The following LAMC2 variants were observed in gnomAD, a reference collection of about 807,000 sequenced individuals.
LAMC2 encodes laminin subunit gamma 2, also known as laminin subunit gamma-2.
Under a neutral mutation model 140.2 loss-of-function variants are expected in LAMC2, and 97 were observed. That is an observed-to-expected ratio of 0.69 (90% CI 0.59 to 0.82). The LOEUF is 0.82. Among genes scored for constraint, LAMC2 ranks in the 40% least tolerant of loss-of-function variants. The pLI, the probability that LAMC2 is intolerant of heterozygous loss-of-function variation, is 0.00. For synonymous variants in LAMC2, 513 were observed against 540.2 expected (o/e 0.95, Z 0.70); for missense variants, 1,402 against 1,476.1 (o/e 0.95, Z 0.82).
rs1659576889 is a variant in LAMC2 at position 183,224,708 on chromosome 1, AG to A, written c.954-899del. On this transcript the variant is annotated intron_variant, in intron 7 of 22. Coordinates refer to ENST00000264144, the MANE Select transcript of LAMC2 (RefSeq NM_005562.3). ...CACACACACACACACACACACACAC[AG>A]CTCTCCTGCCTGGAATACTCGTTCC... is the stretch of plus-strand genomic sequence containing the variant. Among the ~76,000 whole-genome samples the A allele has an allele frequency of 2.0e-5, 3 of 146,572 alleles. No individual in the cohort carries two copies. In the South Asian group the frequency reaches 6.5e-4, roughly 32 times the overall value.
At chr1:183,225,014 A>G (rs1486089073) in intron 7 of LAMC2, among the ~76,000 whole-genome samples, 1 of 151,886 alleles carries the variant, frequency 6.6e-6, no homozygotes, top group East Asian at 1.9e-4. Flanking sequence ...TTTATTTAAC[A>G]AATCAGTGAA....
intron 1 of LAMC2, among the ~76,000 whole-genome samples, chr1:183,200,559 G>A (rs114379406): frequency 0.016 from 2,460 of 152,258 alleles, 64 homozygotes; most frequent in African/African-American, 0.055. Context: ...ATTATTTCAA[G>A]GCCTTGTCCT....
At chr1:183,219,621 A>C (rs1659404394) in intron 4 of LAMC2, among the ~76,000 whole-genome samples, 1 of 144,856 alleles carries the variant, frequency 6.9e-6, no homozygotes, top group Non-Finnish European at 1.5e-5. Flanking sequence ...TTCCCTCCCC[A>C]CTCCTCCCCT....
intron 16 of LAMC2, among the ~76,000 whole-genome samples, chr1:183,236,136 G>C (rs1309821462): frequency 6.6e-6 from 1 of 152,056 alleles, no homozygotes; most frequent in Non-Finnish European, 1.5e-5. Context: ...TTAGTGGAGA[G>C]GGACAAGTAT....
the LAMC2 span, among the ~76,000 whole-genome samples, chr1:183,255,661 GGT>G: frequency 1.7e-5 from 2 of 119,406 alleles, no homozygotes; most frequent in Admixed American, 9.9e-5. Context: ...TATTCCTAAG[GGT>G]TTTTTTTTTT....
Position 183,228,453 on chromosome 1 carries a change from C to T in LAMC2, c.1548C>T (p.Pro516=). 3.7e-6 allele frequency: 6 copies of T among 1,614,028 alleles called. No individual in the cohort carries two copies. The highest frequency in any genetic ancestry group is 5.1e-6 in the Non-Finnish European group (6 of 1,180,004). The change falls in exon 11 of 23, where the codon CCC becomes CCT. Residue 516 remains proline (P), a synonymous_variant. Coordinates refer to ENST00000264144, the MANE Select transcript of LAMC2 (RefSeq NM_005562.3). This position sits in a 1 kb window ranked among gnomAD's most constrained non-coding sequence, Gnocchi z 4.3. ...GEHGPVRPCQ[P]CQCNNNVDPS... ...ATGGCCCAGTGAGGCCTTGTCAGCC[C>T]TGTCAATGCAACAACAATGTGGACC...
chr1:183,248,785 C>G (rs1660292489), downstream of LAMC2: 1 of 152,104 alleles, frequency 6.6e-6, no homozygotes, highest in African/African-American at 2.4e-5. Flanking sequence ...AGTAGGTAGC[C>G]TTGGGAGAGA....
chr1:183,214,557 G>C (rs1659191720), intron 2 of LAMC2, among the ~76,000 whole-genome samples: 1 of 152,086 alleles, frequency 6.6e-6, no homozygotes, highest in Admixed American at 6.5e-5. Context: ...AGAGAGGTAG[G>C]GTCTTGCAGA....
At position 183,240,323 on chromosome 1, in the gene LAMC2, G is replaced by A. The variant is rs150585529; in HGVS notation, c.3260G>A (p.Arg1087Lys). 9.3e-6 allele frequency: 15 copies of A among 1,614,102 alleles called. No individual in the cohort carries two copies. The African/African-American group carries it at 1.9e-4, about 20-fold the overall frequency. Residue 1087 changes from arginine to lysine, a missense_variant, in exon 22 of 23, where the codon AGA (arginine) becomes AAA (lysine). Around this residue, in one of 3 missense-constraint regions of LAMC2, gnomAD observed 670 missense variants for 667.2 expected, o/e 1.00. Transcript: ENST00000264144. Reference sequence around the variant, plus strand: ...ACAGAAGCCCAGAAGGTTGATACCAGAGCCAAGAACGCTGGGGTTACAATC... The same window carrying A: ...ACAGAAGCCCAGAAGGTTGATACCAAAGCCAAGAACGCTGGGGTTACAATC... ...VITEAQKVDT[R>K]AKNAGVTIQD...
chr1:183,240,415 C>A (rs1159428859), intron 22 of LAMC2, 24 bp downstream of exon 22: 1 of 1,613,762 alleles, frequency 6.2e-7, no homozygotes. Flanking sequence ...CAACCCACAA[C>A]CTTCCAGCTC....
Position 183,228,398 on chromosome 1 carries a change from A to C in LAMC2, c.1493A>C (p.Asp498Ala). The change falls in exon 11 of 23, where the codon GAT (aspartate) becomes GCT (alanine). Residue 498 changes from aspartate to alanine, a missense_variant. Transcript: ENST00000264144. The surrounding 1 kb of genome is among the most constrained non-coding windows in gnomAD (Gnocchi z 4.3). ...GGTGCCCGCTGTGAGCTCTGTGCTG[A>C]TGGCTACTTTGGGGACCCCTTTGGT... ...VTGARCELCA[D>A]GYFGDPFGEH... 6.2e-7 allele frequency: 1 copy of C among 1,613,960 alleles called. No homozygotes were observed. The highest frequency in any genetic ancestry group is 1.1e-5 in the South Asian group (1 of 91,052).
chr1:183,240,206 C>T lies in LAMC2; in HGVS notation c.3228+8C>T, dbSNP rs374145695. ...ATGGATGCAGTACAGATGGTGAGTT[C>T]CTGTTGCTTTCCACGGGAGATCCCT... is the stretch of plus-strand genomic sequence containing the variant. On this transcript the variant is annotated splice_region_variant and intron_variant, in intron 21 of 22. Coordinates refer to ENST00000264144, the MANE Select transcript of LAMC2 (RefSeq NM_005562.3). 7 of 1,614,070 alleles carry T rather than the reference C, an allele frequency of 4.3e-6. No homozygotes were observed. The African/African-American group carries it at 9.3e-5, about 22-fold the overall frequency.
intron 1 of LAMC2, among the ~76,000 whole-genome samples, chr1:183,196,969 C>T (rs1658539538): frequency 6.6e-6 from 1 of 152,110 alleles, no homozygotes; most frequent in Non-Finnish European, 1.5e-5. Context: ...TAGGGTAAGA[C>T]CATGATAGTC....
At chr1:183,246,028 G>A (rs1348785836), downstream of LAMC2, among the ~76,000 whole-genome samples, 1 of 152,062 alleles carries the variant, frequency 6.6e-6, no homozygotes, top group Non-Finnish European at 1.5e-5. Flanking sequence ...AAATTAGCCG[G>A]GCGTGATGGC....
At position 183,186,360 on chromosome 1, in the gene LAMC2, C is replaced by T. The variant is rs1252714386; in HGVS notation, c.8C>T (p.Ala3Val). The T allele has an allele frequency of 7.5e-6, 12 of 1,601,544 alleles. No individual in the cohort carries two copies. The Admixed American group carries it at 1.3e-4, about 18-fold the overall frequency. The change falls in exon 1 of 23, where the codon GCG (alanine) becomes GTG (valine). Residue 3 changes from alanine (A) to valine (V), a missense_variant. By Grantham distance (64) the Ala-to-Val change is moderately conservative. Transcript: ENST00000264144. ...GAGCGGCCCGGCCCCGCCATGCCTGCGCTCTGGCTGGGCTGCTGCCTCTGC... is the reference window on the plus strand; with the variant it reads ...GAGCGGCCCGGCCCCGCCATGCCTGTGCTCTGGCTGGGCTGCTGCCTCTGC... Reference protein sequence around the residue: MPALWLGCCLCFS... With the variant: MPVLWLGCCLCFS...
chr1:183,188,563 G>C (rs755196632), intron 1 of LAMC2, among the ~76,000 whole-genome samples: 2 of 152,200 alleles, frequency 1.3e-5, no homozygotes, highest in Non-Finnish European at 2.9e-5. Context: ...CTTGGTGTCT[G>C]CTTCTTCATT....
intron 22 of LAMC2, among the ~76,000 whole-genome samples, chr1:183,242,690 A>C (rs956424031): frequency 6.6e-6 from 1 of 152,200 alleles, no homozygotes; most frequent in Non-Finnish European, 1.5e-5. Context: ...AAGCTCAGCC[A>C]GTTTCTTAAG....
chr1:183,232,241 C>T lies in LAMC2; in HGVS notation c.1912C>T (p.Gln638Ter), dbSNP rs1343526840. 1.2e-6 allele frequency: 2 copies of T among 1,613,860 alleles called. No individual in the cohort carries two copies. The highest frequency in any genetic ancestry group is 1.7e-5 in the Admixed American group (1 of 59,992). Residue 638 changes from glutamine (Q) to a stop codon, truncating the protein, a stop_gained, in exon 13 of 23, where the codon CAG (glutamine) becomes TAG (stop). Transcript: ENST00000264144. LOFTEE classifies it high-confidence loss of function. ...QRMEALISKA[Q>*]GGDGVVPDTE... Reference sequence around the variant, plus strand: ...AATGGAGGCCCTGATTTCAAAGGCTCAGGGTGGTGATGGAGTAGTACCTGA... The same window carrying T: ...AATGGAGGCCCTGATTTCAAAGGCTTAGGGTGGTGATGGAGTAGTACCTGA...
At chr1:183,204,480 A>G (rs1658821478) in intron 1 of LAMC2, among the ~76,000 whole-genome samples, 1 of 150,044 alleles carries the variant, frequency 6.7e-6, no homozygotes, top group Non-Finnish European at 1.5e-5. Context: ...ACCACTACAA[A>G]AATTAGTTGG....
Sources: gnomAD v4.1 joint callset for allele counts (sites outside exome capture counted in the v4.1 genomes callset) on GRCh38, gnomAD v4.1.1 for gene constraint, gnomAD v4.1.1 regional missense constraint, Gnocchi (gnomAD v3.1) non-coding constraint, MANE v1.5 for transcripts, NCBI Gene and HGNC (gene_info 2026-07-23, HGNC 2026-07-21) for gene names.